Variants in TCERG1L observed in about 807,000 individuals in gnomAD.
TCERG1L encodes the protein transcription elongation regulator 1 like, also known as transcription elongation regulator 1-like protein.
Under a neutral mutation model 56.3 loss-of-function variants are expected in TCERG1L, and 37 were observed. That is an observed-to-expected ratio of 0.66 (90% CI 0.51 to 0.87). The LOEUF (loss-of-function observed/expected upper bound fraction) is 0.87, where lower values mean the gene tolerates loss of function less well. Among genes scored for constraint, TCERG1L ranks in the 40% least tolerant of loss-of-function variants. The pLI, the probability that TCERG1L is intolerant of heterozygous loss-of-function variation, is 0.00. For synonymous variants in TCERG1L, 324 were observed against 326.3 expected, an observed-to-expected ratio of 0.99 and a Z score of 0.08; for missense variants, 799 against 774.2, an observed-to-expected ratio of 1.03 and a Z score of -0.38.
At chr10:131,155,285 A>G (rs1845907427) in intron 6 of TCERG1L, among the ~76,000 whole-genome samples, 1 of 152,202 alleles carries the variant, frequency 6.6e-6, no homozygotes, top group Admixed American at 6.5e-5. Flanking sequence ...ATCCATCTTT[A>G]GTTATTTCAC....
At chr10:131,120,899 G>A (rs575302430) in intron 8 of TCERG1L, among the ~76,000 whole-genome samples, 1 of 152,286 alleles carries the variant, frequency 6.6e-6, no homozygotes, top group African/African-American at 2.4e-5. Flanking sequence ...TGGGCACAGC[G>A]GGGCTGTAGC....
At chr10:131,094,972 C>T (rs1483135923) in intron 11 of TCERG1L, among the ~76,000 whole-genome samples, 3 of 152,234 alleles carry the variant, frequency 2.0e-5, no homozygotes, top group East Asian at 1.9e-4. Flanking sequence ...GGGAGCCTCC[C>T]GCTTCCGTGG....
intron 4 of TCERG1L, among the ~76,000 whole-genome samples, chr10:131,178,749 C>T (rs1273779652): frequency 1.3e-5 from 2 of 152,180 alleles, no homozygotes; most frequent in African/African-American, 4.8e-5. Flanking sequence ...GACCTTCTCC[C>T]CAGGCATCTG....
intron 4 of TCERG1L, among the ~76,000 whole-genome samples, chr10:131,248,078 CAT>C (rs1234608240): frequency 3.3e-5 from 5 of 151,908 alleles, no homozygotes; most frequent in Admixed American, 6.6e-5. Flanking sequence ...TCACATGACT[CAT>C]ATGCACACAC....
intron 4 of TCERG1L, among the ~76,000 whole-genome samples, chr10:131,221,841 G>T (rs1364110515): frequency 1.3e-5 from 2 of 152,224 alleles, no homozygotes; most frequent in Non-Finnish European, 1.5e-5. Flanking sequence ...TCCCGCCGCT[G>T]CCTCCACGTT....
chr10:131,216,103 C>A (rs192472406), intron 4 of TCERG1L, among the ~76,000 whole-genome samples: 2 of 152,260 alleles, frequency 1.3e-5, no homozygotes, highest in East Asian at 3.9e-4. Flanking sequence ...GGAAGATAAT[C>A]GATTAAATAA....
At chr10:131,186,358 A>T (rs1014080276) in intron 4 of TCERG1L, among the ~76,000 whole-genome samples, 1 of 152,210 alleles carries the variant, frequency 6.6e-6, no homozygotes, top group Non-Finnish European at 1.5e-5. Context: ...AACCTATGGT[A>T]TGTGAATTTC....
intron 4 of TCERG1L, among the ~76,000 whole-genome samples, chr10:131,235,752 G>A (rs1845906073): frequency 6.6e-6 from 1 of 152,182 alleles, no homozygotes; most frequent in Admixed American, 6.5e-5. Flanking sequence ...GACAGAAAGA[G>A]ATAAGCCAGG....
rs11412949 is a variant in TCERG1L at position 131,197,185 on chromosome 10, A to ATT, written c.857-30302_857-30301dup. On this transcript the variant is annotated intron_variant, in intron 4 of 11. Transcript: ENST00000368642. Reference sequence around the variant, plus strand: ...GCCAAATAGTTTCCTTCTCTCCTCCATTTTTTTTTTGAGATGGAGTCTCAC... The same window carrying ATT: ...GCCAAATAGTTTCCTTCTCTCCTCCATTTTTTTTTTTTGAGATGGAGTCTCAC... Among the ~76,000 whole-genome samples, 536 of 148,640 alleles carry ATT rather than the reference A, an allele frequency of 3.6e-3. 2 individuals are homozygous for ATT. The highest frequency in any genetic ancestry group is 0.011 in the African/African-American group (452 of 40,490).
intron 4 of TCERG1L, among the ~76,000 whole-genome samples, chr10:131,178,207 C>G (rs559269574): frequency 6.6e-6 from 1 of 152,208 alleles, no homozygotes; most frequent in African/African-American, 2.4e-5. Context: ...CCAGCTTTGC[C>G]TTTACTAGAA....
intron 3 of TCERG1L, among the ~76,000 whole-genome samples, chr10:131,285,506 AAGAAAGAAAGAAAGAAAGAG>A (rs199889768): frequency 0.082 from 2,165 of 26,290 alleles, 171 homozygotes; most frequent in East Asian, 0.19. Flanking sequence ...GAAAGAAAGA[AAGAAAGAAAGAAAGAAAGAG>A]AGAAAGAAAA....
Position 131,224,099 on chromosome 10 carries a change from T to C in TCERG1L, c.856+36160A>G, listed in dbSNP as rs1299844323. ...CAGTCGATTAGGAATTCTGGAACCC[T>C]TCCTGTCTCCTTTCCCCCTGACCCA... is the stretch of plus-strand genomic sequence containing the variant. On this transcript the variant is annotated intron_variant, in intron 4 of 11. Transcript: ENST00000368642. 2.4e-4 allele frequency among the ~76,000 whole-genome samples: 36 copies of C among 152,114 alleles called. 1 individual carries two copies. The highest frequency in any genetic ancestry group is 2.4e-3 in the Admixed American group (36 of 15,282).
intron 4 of TCERG1L, among the ~76,000 whole-genome samples, chr10:131,256,984 G>GAAA (rs1298340349): frequency 0.011 from 995 of 88,766 alleles, 24 homozygotes; most frequent in East Asian, 0.011. Context: ...AAGGAAGGAA[G>GAAA]GAAGGAAGGA....
intron 7 of TCERG1L, among the ~76,000 whole-genome samples, chr10:131,144,070 G>A (rs1362993822): frequency 4.4e-5 from 6 of 137,028 alleles, no homozygotes; most frequent in African/African-American, 1.6e-4. Context: ...ACACGCACAC[G>A]CAGGCACACA....
At chr10:131,102,121 C>T (rs1231075866) in intron 10 of TCERG1L, among the ~76,000 whole-genome samples, 1 of 152,214 alleles carries the variant, frequency 6.6e-6, no homozygotes, top group Non-Finnish European at 1.5e-5. Flanking sequence ...ACTCAGCTAA[C>T]TCTATTGTAG....
At chr10:131,132,617 C>G (rs1226386866) in intron 8 of TCERG1L, among the ~76,000 whole-genome samples, 1 of 152,212 alleles carries the variant, frequency 6.6e-6, no homozygotes, top group Non-Finnish European at 1.5e-5. Context: ...TTCAATTTAG[C>G]ACACATATCC....
At chr10:131,291,253 T>C (rs1846617908) in intron 3 of TCERG1L, among the ~76,000 whole-genome samples, 1 of 151,766 alleles carries the variant, frequency 6.6e-6, no homozygotes, top group Non-Finnish European at 1.5e-5. Flanking sequence ...ACTATGTCAG[T>C]ACCACATATT....
chr10:131,229,093 G>A (rs1033022987), intron 4 of TCERG1L, among the ~76,000 whole-genome samples: 1 of 113,488 alleles, frequency 8.8e-6, no homozygotes, highest in East Asian at 2.9e-4. Flanking sequence ...GGCCTCCGGA[G>A]TCTTCCCTCC....
intron 4 of TCERG1L, among the ~76,000 whole-genome samples, chr10:131,235,793 C>T (rs1845906522): frequency 1.3e-5 from 2 of 152,218 alleles, no homozygotes; most frequent in Admixed American, 6.5e-5. Context: ...GAAGCCAGCA[C>T]CAGCAGGGGC....
Sources: gnomAD v4.1 joint callset for allele counts (sites outside exome capture counted in the v4.1 genomes callset) on GRCh38, gnomAD v4.1.1 for gene constraint, MANE v1.5 for transcripts, NCBI Gene and HGNC (gene_info 2026-07-23, HGNC 2026-07-21) for gene names.